ZFHX3: variants seen among roughly 807,000 people sequenced by gnomAD.
The protein encoded by ZFHX3 is zinc finger homeobox protein 3.
A neutral mutation model predicts 279.1 loss-of-function variants in ZFHX3; 42 were observed. That is an observed-to-expected ratio of 0.15 (90% CI 0.12 to 0.19). ZFHX3 has a LOEUF of 0.19. Ranked by LOEUF, ZFHX3 falls within the 10% of genes least tolerant of loss-of-function variation. The pLI is 1.00. For synonymous variants in ZFHX3, 2,293 were observed against 1,957.8 expected (o/e 1.17, Z -4.52); for missense variants, 4,981 against 4,754.0 (o/e 1.05, Z -1.40).
At chr16:73,373,021 G>A (rs2016658653) in intron 3 of ZFHX3, among the ~76,000 whole-genome samples, 1 of 152,024 alleles carries the variant, frequency 6.6e-6, no homozygotes, top group Admixed American at 6.5e-5. Context: ...TTAATGAGTT[G>A]AACATCCAGA....
intron 5 of ZFHX3, among the ~76,000 whole-genome samples, chr16:73,215,993 A>G (rs1421471669): frequency 1.3e-5 from 2 of 152,162 alleles, no homozygotes; most frequent in Non-Finnish European, 2.9e-5. Flanking sequence ...GAATGATATG[A>G]TCTAGATAGT....
intron 8 of ZFHX3, among the ~76,000 whole-genome samples, chr16:73,074,460 C>T (rs78433374): frequency 1.3e-5 from 2 of 152,150 alleles, no homozygotes; most frequent in East Asian, 3.8e-4. Flanking sequence ...ACGGATGACC[C>T]GCTTGCTTCC....
intron 1 of ZFHX3, among the ~76,000 whole-genome samples, chr16:73,769,416 T>C (rs767131222): frequency 1.3e-5 from 2 of 152,136 alleles, no homozygotes; most frequent in African/African-American, 2.4e-5. Flanking sequence ...TTCATAATAG[T>C]GTTGTGTTAG....
At chr16:72,873,803 C>CA (rs2038227080) in intron 4 of ZFHX3, among the ~76,000 whole-genome samples, 1 of 152,192 alleles carries the variant, frequency 6.6e-6, no homozygotes, top group African/African-American at 2.4e-5. Flanking sequence ...ACCCACCCCT[C>CA]AGTCTACGGA....
intron 1 of ZFHX3, among the ~76,000 whole-genome samples, chr16:73,872,749 G>T (rs2029865793): frequency 1.0e-5 from 1 of 96,794 alleles, no homozygotes; most frequent in African/African-American, 4.4e-5. Context: ...GGTGGTGGCG[G>T]GGGTTGGTGG....
intron 2 of ZFHX3, among the ~76,000 whole-genome samples, chr16:73,584,653 G>A (rs752712577): frequency 7.9e-5 from 12 of 152,212 alleles, no homozygotes; most frequent in South Asian, 2.1e-4. Context: ...AGATGAAGAC[G>A]GGATAAGGTC....
At chr16:73,028,532 C>T (rs192708750) in intron 1 of ZFHX3, among the ~76,000 whole-genome samples, 177 of 152,316 alleles carry the variant, frequency 1.2e-3, no homozygotes, top group Middle Eastern at 6.8e-3. Flanking sequence ...GCATCAGGCA[C>T]AGCCTTGGCC....
chr16:73,656,828 A>G (rs962765828), intron 2 of ZFHX3, among the ~76,000 whole-genome samples: 1 of 152,224 alleles, frequency 6.6e-6, no homozygotes, highest in Non-Finnish European at 1.5e-5. Context: ...ATTCTTTCTA[A>G]ATTTCAAACA....
In ZFHX3 at chr16:72,788,758, G is replaced by A. The variant is rs753839132; in HGVS notation, c.9518C>T (p.Pro3173Leu). 27 of 1,570,392 alleles carry A rather than the reference G, an allele frequency of 1.7e-5. No individual in the cohort carries two copies. Among genetic ancestry groups the A allele is most frequent in the South Asian group, 1.2e-4 (10 of 82,738 alleles). Reference sequence around the variant, plus strand: ...TGGGGAGCTCAGCGACGCTGAGGACGGTTTATTTGGTAATCCAGAAGTGGG... The same window carrying A: ...TGGGGAGCTCAGCGACGCTGAGGACAGTTTATTTGGTAATCCAGAAGTGGG... ...GLPTSGLPNK[P>L]SSASLSSPTP... Residue 3173 changes from proline to leucine, a missense_variant, in exon 10 of 10, where the codon CCG becomes CTG. Coordinates refer to ENST00000268489, the MANE Select transcript of ZFHX3 (RefSeq NM_006885.4).
At chr16:73,806,509 T>C (rs1351216254) in intron 1 of ZFHX3, among the ~76,000 whole-genome samples, 1 of 151,940 alleles carries the variant, frequency 6.6e-6, no homozygotes, top group East Asian at 1.9e-4. Context: ...TCAGTCCTTG[T>C]ACAGATACAC....
intron 7 of ZFHX3, among the ~76,000 whole-genome samples, chr16:73,116,743 G>A (rs1427302952): frequency 6.6e-6 from 1 of 152,142 alleles, no homozygotes; most frequent in Non-Finnish European, 1.5e-5. Context: ...CCTGTGGCCT[G>A]TAATTTAAAT....
At chr16:73,602,451 C>T (rs2143864245) in intron 2 of ZFHX3, among the ~76,000 whole-genome samples, 1 of 152,186 alleles carries the variant, frequency 6.6e-6, no homozygotes, top group Admixed American at 6.5e-5. Context: ...GACGATTCCT[C>T]CAAAGGGCAG....
At chr16:72,885,802 G>A (rs1488770191) in intron 4 of ZFHX3, among the ~76,000 whole-genome samples, 1 of 152,222 alleles carries the variant, frequency 6.6e-6, no homozygotes, top group East Asian at 1.9e-4. Context: ...GATGATGACA[G>A]AAAGCCAGAA....
intron 5 of ZFHX3, among the ~76,000 whole-genome samples, chr16:73,150,525 T>C (rs1966915494): frequency 6.6e-6 from 1 of 152,192 alleles, no homozygotes; most frequent in South Asian, 2.1e-4. Context: ...GTAATTATAT[T>C]ATTATAATAG....
intron 7 of ZFHX3, among the ~76,000 whole-genome samples, chr16:73,101,935 A>C: frequency 7.7e-6 from 1 of 129,656 alleles, no homozygotes; most frequent in Non-Finnish European, 1.6e-5. Context: ...TTTTTTTGAG[A>C]CAGGATCTCA....
intron 3 of ZFHX3, among the ~76,000 whole-genome samples, chr16:73,323,387 G>A (rs1184052291): frequency 6.6e-6 from 1 of 152,174 alleles, no homozygotes; most frequent in Non-Finnish European, 1.5e-5. Flanking sequence ...AACCAAGAAA[G>A]TATGGGATTC....
intron 2 of ZFHX3, among the ~76,000 whole-genome samples, chr16:73,471,636 T>C (rs1296728979): frequency 1.3e-5 from 2 of 152,146 alleles, no homozygotes; most frequent in African/African-American, 4.8e-5. Flanking sequence ...CACATCCAAC[T>C]GACTTGGGTG....
At chr16:73,486,883 C>A (rs939775409) in intron 2 of ZFHX3, 2 of 455,586 alleles carry the variant, frequency 4.4e-6, no homozygotes, top group African/African-American at 4.0e-5. Context: ...TCAACTCTTG[C>A]AAGAAATTCA....
intron 2 of ZFHX3, among the ~76,000 whole-genome samples, chr16:73,632,615 G>A (rs1390608436): frequency 6.6e-6 from 1 of 151,768 alleles, no homozygotes; most frequent in Non-Finnish European, 1.5e-5. Flanking sequence ...GAACCTGGGA[G>A]GTGAAGGTAG....
Sources: gnomAD v4.1 joint callset for allele counts (sites outside exome capture counted in the v4.1 genomes callset) on GRCh38, gnomAD v4.1.1 for gene constraint, MANE v1.5 for transcripts, NCBI Gene and HGNC (gene_info 2026-07-23, HGNC 2026-07-21) for gene names.